The following RHOQ variants were observed in gnomAD, a reference collection of about 807,000 sequenced individuals.
RHOQ encodes rho-related GTP-binding protein RhoQ.
RHOQ carries 7 observed loss-of-function variants against 25.8 expected under a neutral mutation model. The ratio of observed to expected loss-of-function variants is 0.27; its 90% confidence interval spans 0.15 to 0.51. The LOEUF is 0.51. Ranked by LOEUF, RHOQ falls within the 20% of genes least tolerant of loss-of-function variation. The probability of loss-of-function intolerance (pLI) is 0.97; values close to 1 mark genes in which losing one functional copy is unlikely to be tolerated. For synonymous variants in RHOQ, 97 were observed against 98.6 expected (o/e 0.98, Z 0.10); for missense variants, 165 against 260.6 (o/e 0.63, Z 2.53).
chr2:46,559,406 G>C (rs1346985960), intron 2 of RHOQ, among the ~76,000 whole-genome samples: 2 of 152,068 alleles, frequency 1.3e-5, no homozygotes, highest in Non-Finnish European at 2.9e-5. Flanking sequence ...CTTTCAGGTA[G>C]TTCCTCAAAT....
At chr2:46,559,232 G>C (rs1264690918) in intron 2 of RHOQ, among the ~76,000 whole-genome samples, 1 of 152,178 alleles carries the variant, frequency 6.6e-6, no homozygotes, top group African/African-American at 2.4e-5. Flanking sequence ...CTGTGCTCAA[G>C]TGATCCACCT....
At chr2:46,554,793 T>C (rs548047950) in intron 2 of RHOQ, among the ~76,000 whole-genome samples, 104 of 151,872 alleles carry the variant, frequency 6.8e-4, no homozygotes, top group East Asian at 1.2e-3. Context: ...TTCTTTCTTT[T>C]TTTTTTTTTT....
At chr2:46,565,372 T>C (rs1440169239) in intron 2 of RHOQ, among the ~76,000 whole-genome samples, 1 of 152,220 alleles carries the variant, frequency 6.6e-6, no homozygotes, top group Admixed American at 6.5e-5. Context: ...GTCAACTGTA[T>C]TCTCCATACC....
intron 2 of RHOQ, among the ~76,000 whole-genome samples, chr2:46,559,134 TGTTTCTTTG>T (rs986575875): frequency 1.1e-4 from 16 of 152,180 alleles, no homozygotes; most frequent in African/African-American, 3.4e-4. Flanking sequence ...TTTGTTTGTT[TGTTTCTTTG>T]GTTTCTTTTT....
chr2:46,570,066 A>T (rs1668862940), intron 2 of RHOQ, among the ~76,000 whole-genome samples: 1 of 152,240 alleles, frequency 6.6e-6, no homozygotes, highest in Non-Finnish European at 1.5e-5. Context: ...GTTATTTTTA[A>T]AGAGGTAAAA....
intron 2 of RHOQ, among the ~76,000 whole-genome samples, chr2:46,559,612 CT>C (rs1351315652): frequency 6.6e-6 from 1 of 152,150 alleles, no homozygotes; most frequent in Non-Finnish European, 1.5e-5. Context: ...CCTTTTCCCC[CT>C]AGATGCCAGC....
rs981979074 is a variant in RHOQ, at chr2:46,555,908, C to T, written c.201+12096C>T. ...GCATCTAGGCAAGCTGGTGTTAAGA[C>T]GCAAGTAATTACTCAGAGAAATTGC... is the stretch of plus-strand genomic sequence containing the variant. On this transcript the variant is annotated intron_variant, in intron 2 of 4. Coordinates refer to ENST00000238738, the MANE Select transcript of RHOQ (RefSeq NM_012249.4). The surrounding 1 kb of genome is among the most constrained non-coding windows in gnomAD (Gnocchi z 4.3). Among the ~76,000 whole-genome samples the T allele has an allele frequency of 3.3e-5, 5 of 152,192 alleles. No homozygotes were observed. The highest frequency in any genetic ancestry group is 9.7e-5 in the African/African-American group (4 of 41,442).
At position 46,582,350 on chromosome 2, in the gene RHOQ, G is replaced by C. The variant is rs1669422266; in HGVS notation, c.*1267G>C. 1 of 151,848 alleles carries C rather than the reference G, an allele frequency of 6.6e-6. No homozygotes were observed. The highest frequency in any genetic ancestry group is 2.1e-4 in the South Asian group (1 of 4,820). 9.4% of individuals were successfully genotyped at this position (151,848 alleles called of 1,614,324 possible). A position where few individuals can be genotyped will look rare whatever the true frequency, so the allele number is the denominator to read the frequency against. On this transcript the variant is annotated 3_prime_UTR_variant, in exon 5 of 5. Transcript: ENST00000238738. ...TCTGTGAAGCTTATTTGGTACACTG[G>C]AGCCATTTCTAATCTTTCTCTGGGG...
chr2:46,546,451 C>CATATATAT (rs58602087), intron 2 of RHOQ, among the ~76,000 whole-genome samples: 4 of 47,128 alleles, frequency 8.5e-5, no homozygotes, highest in African/African-American at 1.4e-4. Context: ...TACACATATA[C>CATATATAT]ATATATATAT....
chr2:46,552,587 A>G lies in RHOQ; in HGVS notation c.201+8775A>G, dbSNP rs1195731697. On this transcript the variant is annotated intron_variant, in intron 2 of 4. Transcript: ENST00000238738. The surrounding 1 kb of genome is among the most constrained non-coding windows in gnomAD (Gnocchi z 5.0). Reference sequence around the variant, plus strand: ...AAACTTCCTCTGCCACCTGCTGCTCATATTGTTTGCCCTCTTGGGCCATCC... The same window carrying G: ...AAACTTCCTCTGCCACCTGCTGCTCGTATTGTTTGCCCTCTTGGGCCATCC... 6.6e-6 allele frequency among the ~76,000 whole-genome samples: 1 copy of G among 152,242 alleles called. No homozygotes were observed. Among genetic ancestry groups the G allele is most frequent in the African/African-American group, 2.4e-5 (1 of 41,458 alleles).
At chr2:46,570,375 G>C (rs1165842954) in intron 2 of RHOQ, among the ~76,000 whole-genome samples, 1 of 152,124 alleles carries the variant, frequency 6.6e-6, no homozygotes, top group Non-Finnish European at 1.5e-5. Flanking sequence ...GGGAGGCAGA[G>C]GTGGCAGTGA....
chr2:46,570,391 G>A (rs1668873869), intron 2 of RHOQ, among the ~76,000 whole-genome samples: 1 of 151,894 alleles, frequency 6.6e-6, no homozygotes, highest in Non-Finnish European at 1.5e-5. Context: ...AGTGAGCCGA[G>A]ATTGTGCTAT....
chr2:46,553,044 A>C (rs1208427920), intron 2 of RHOQ, among the ~76,000 whole-genome samples: 2 of 152,222 alleles, frequency 1.3e-5, no homozygotes, highest in East Asian at 3.8e-4. Context: ...TCAAACCAAC[A>C]TGGATTTCCT....
intron 2 of RHOQ, among the ~76,000 whole-genome samples, chr2:46,547,257 A>G (rs1171877672): frequency 6.6e-6 from 1 of 152,184 alleles, no homozygotes; most frequent in Non-Finnish European, 1.5e-5. Flanking sequence ...TCAGTTTGGA[A>G]CCTCTAGTCC....
intron 2 of RHOQ, among the ~76,000 whole-genome samples, chr2:46,550,419 T>A (rs536688148): frequency 1.3e-5 from 2 of 152,328 alleles, no homozygotes; most frequent in East Asian, 3.9e-4. Context: ...CACATAGGTA[T>A]GGGGCAGGCC....
At chr2:46,575,444 A>C (rs1010889750) in intron 2 of RHOQ, among the ~76,000 whole-genome samples, 2 of 122,142 alleles carry the variant, frequency 1.6e-5, no homozygotes, top group Admixed American at 8.6e-5. Flanking sequence ...CACACACACA[A>C]TTAATAAAAC....
In RHOQ at chr2:46,576,462, A is replaced by T. The variant is rs939376691; in HGVS notation, c.367-99A>T. 15 of 929,258 alleles carry T rather than the reference A, an allele frequency of 1.6e-5. No homozygotes were observed. The African/African-American group carries it at 2.5e-4, about 16-fold the overall frequency. 57.6% of individuals were successfully genotyped at this position (929,258 alleles called of 1,614,324 possible). A position where few individuals can be genotyped will look rare whatever the true frequency, so the allele number is the denominator to read the frequency against. On this transcript the variant is annotated intron_variant, in intron 3 of 4. Coordinates refer to ENST00000238738, the MANE Select transcript of RHOQ (RefSeq NM_012249.4). The surrounding 1 kb of genome is among the most constrained non-coding windows in gnomAD (Gnocchi z 5.1). ...TTTAAAAATTAAGTTCTTTTGTTTAATCTTTTTTTGGTATGTGGGAATTAA... is the reference window on the plus strand; with the variant it reads ...TTTAAAAATTAAGTTCTTTTGTTTATTCTTTTTTTGGTATGTGGGAATTAA...
Position 46,581,576 on chromosome 2 carries a change from A to G in RHOQ, c.*493A>G, listed in dbSNP as rs1199012920. ...TAGCCAAAGGTCGCTCCAAGCGTAC[A>G]GGAGATGGGCCATACCTGAGGAGAG... On this transcript the variant is annotated 3_prime_UTR_variant, in exon 5 of 5. Transcript: ENST00000238738. 8.7e-6 allele frequency: 14 copies of G among 1,611,468 alleles called. No individual in the cohort carries two copies. The highest frequency in any genetic ancestry group is 1.1e-5 in the Non-Finnish European group (13 of 1,179,492).
intron 2 of RHOQ, among the ~76,000 whole-genome samples, chr2:46,559,523 A>C (rs1668505834): frequency 6.6e-6 from 1 of 152,108 alleles, no homozygotes; most frequent in Admixed American, 6.5e-5. Context: ...CAGCTTCAGT[A>C]CTGTTGACAT....
Sources: allele counts gnomAD v4.1 joint callset (sites outside exome capture counted in the v4.1 genomes callset), GRCh38; gene constraint gnomAD v4.1.1; non-coding constraint Gnocchi (gnomAD v3.1); transcripts MANE v1.5; gene names NCBI Gene and HGNC (gene_info 2026-07-23, HGNC 2026-07-21).